The following F8 variants were observed in gnomAD, a reference collection of about 807,000 sequenced individuals.
The protein encoded by F8 is coagulation factor VIII.
F8 carries 12 observed loss-of-function variants against 140.6 expected under a neutral mutation model. That is an observed-to-expected ratio of 0.09 (90% confidence interval 0.05 to 0.14). F8 has a LOEUF of 0.14. F8 is among the 10% of genes least tolerant of loss of function. The probability of loss-of-function intolerance (pLI) is 1.00; values close to 1 mark genes in which losing one functional copy is unlikely to be tolerated. For synonymous variants in F8, 585 were observed against 614.6 expected (o/e 0.95, Z 0.71); for missense variants, 1,354 against 1,720.7 (o/e 0.79, Z 3.77).
chrX:154,987,489 A>G (rs1160045659), intron 4 of F8, among the ~76,000 whole-genome samples, 184 bp from the exon 5 acceptor site: 1 of 112,499 alleles, frequency 8.9e-6, no homozygotes, highest in Non-Finnish European at 1.9e-5. Context: ...TATCTGGAGC[A>G]AAGAATTTTT....
chrX:155,019,692 G>A (rs2073750678), intron 1 of F8, among the ~76,000 whole-genome samples: 1 of 110,504 alleles, frequency 9.0e-6, no homozygotes, highest in Non-Finnish European at 1.9e-5. Context: ...TACTTGGGGG[G>A]CTGATATACA....
At chrX:155,002,140 G>A (rs2073649602) in intron 1 of F8, among the ~76,000 whole-genome samples, 1 of 112,071 alleles carries the variant, frequency 8.9e-6, no homozygotes, top group South Asian at 3.7e-4. Flanking sequence ...TATACTCAAG[G>A]TTCATCTATG....
At chrX:154,849,501 T>C (rs1169976110) in intron 25 of F8, among the ~76,000 whole-genome samples, 1 of 105,487 alleles carries the variant, frequency 9.5e-6, no homozygotes, top group Non-Finnish European at 2.0e-5. Context: ...CTCACTATCT[T>C]GTCCAGGCTG....
chrX:154,965,866 A>T, intron 9 of F8, 104 bp downstream of exon 9: 1 of 762,905 alleles, frequency 1.3e-6, no homozygotes, highest in Non-Finnish European at 2.0e-6. Context: ...CTTTTAAAAG[A>T]TCATGTCCAT....
chrX:154,867,954 G>A lies in F8; in HGVS notation c.6430-4727C>T, dbSNP rs986494723. ...AAGATGAAAAACACATGATTATTTC[G>A]ATCAATACAGAAAAAGAATTTGACA... is the stretch of plus-strand genomic sequence containing the variant. On this transcript the variant is annotated intron_variant, in intron 22 of 25. Coordinates refer to ENST00000360256, the MANE Select transcript of F8 (RefSeq NM_000132.4). 9.0e-5 allele frequency among the ~76,000 whole-genome samples: 10 copies of A among 110,852 alleles called. No individual in the cohort carries two copies. The South Asian group carries it at 1.1e-3, about 13-fold the overall frequency.
At chrX:154,996,709 G>A (rs1201933680) in intron 3 of F8, among the ~76,000 whole-genome samples, 2 of 111,625 alleles carry the variant, frequency 1.8e-5, no homozygotes, top group Non-Finnish European at 3.8e-5. Context: ...ATTTTAGGAA[G>A]AAAAAATGAC....
At chrX:154,846,592 G>C (rs1292424634) in intron 25 of F8, among the ~76,000 whole-genome samples, 3 of 111,636 alleles carry the variant, frequency 2.7e-5, no homozygotes, top group Non-Finnish European at 5.6e-5. Flanking sequence ...TCAGAGACTA[G>C]GATTGCAACC....
intron 1 of F8, among the ~76,000 whole-genome samples, chrX:155,021,010 T>C (rs1276578383): frequency 8.9e-6 from 1 of 112,075 alleles, no homozygotes; most frequent in African/African-American, 3.2e-5. Context: ...CAGTATGTAA[T>C]GATATAGGAT....
At chrX:154,968,572 T>C (rs1300840802) in intron 7 of F8, among the ~76,000 whole-genome samples, 5 of 112,044 alleles carry the variant, frequency 4.5e-5, no homozygotes, top group South Asian at 3.7e-4. Flanking sequence ...GAAATGATGA[T>C]GCAATCTGAA....
intron 13 of F8, among the ~76,000 whole-genome samples, chrX:154,934,291 G>T (rs5987062): frequency 0.01 from 1,128 of 111,480 alleles, 15 homozygotes; most frequent in African/African-American, 0.035. Context: ...ATCTTATACC[G>T]CCATATCTTC....
chrX:154,866,352 A>G (rs991983799), intron 22 of F8, among the ~76,000 whole-genome samples: 10 of 112,015 alleles, frequency 8.9e-5, no homozygotes, highest in Non-Finnish European at 1.3e-4. Context: ...CAGAAAATCA[A>G]TAAGGACAAA....
chrX:154,991,025 G>C (rs2073584903), intron 4 of F8, among the ~76,000 whole-genome samples: 1 of 112,181 alleles, frequency 8.9e-6, no homozygotes, highest in Non-Finnish European at 1.9e-5. Flanking sequence ...CAGAGAGAAA[G>C]TAATGTGCTT....
chrX:154,984,430 T>C (rs2073546217), intron 6 of F8, among the ~76,000 whole-genome samples: 1 of 111,775 alleles, frequency 8.9e-6, no homozygotes, highest in African/African-American at 3.3e-5. Flanking sequence ...TGTCTGTTCA[T>C]CCTTGGTTGC....
chrX:154,902,041 T>A lies in F8; in HGVS notation c.6115+10A>T. 8.8e-7 allele frequency: 1 copy of A among 1,138,524 alleles called. No individual in the cohort carries two copies. The highest frequency in any genetic ancestry group is 1.2e-6 in the Non-Finnish European group (1 of 828,686). 93.8% of individuals were successfully genotyped at this position (1,138,524 alleles called of 1,213,427 possible). ...GTAGGTAGGGAACCTCTGCCCACATTGCTACTCACTATTGCTGTACACCAG... is the reference window on the plus strand; with the variant it reads ...GTAGGTAGGGAACCTCTGCCCACATAGCTACTCACTATTGCTGTACACCAG... On this transcript the variant is annotated intron_variant, in intron 19 of 25. Transcript: ENST00000360256.
chrX:154,896,374 C>A, intron 21 of F8, 142 bp from the exon 22 acceptor site: 1 of 613,125 alleles, frequency 1.6e-6, no homozygotes, highest in Non-Finnish European at 2.6e-6. Context: ...AAGCAGTCAC[C>A]AATGTTGAAA....
intron 1 of F8, among the ~76,000 whole-genome samples, chrX:155,007,336 G>A (rs1603437118): frequency 8.9e-6 from 1 of 112,836 alleles, no homozygotes; most frequent in East Asian, 2.8e-4. Flanking sequence ...CATGAGCTAA[G>A]TGGCTACAGC....
intron 12 of F8, among the ~76,000 whole-genome samples, chrX:154,952,240 C>A (rs2073340974): frequency 8.9e-6 from 1 of 112,083 alleles, no homozygotes; most frequent in Admixed American, 9.4e-5. Context: ...GACTCTTGCA[C>A]AAATGTGAAA....
rs2072476954 is a variant in F8, at chrX:154,836,558, C to A, written c.*1039G>T. On this transcript the variant is annotated 3_prime_UTR_variant, in exon 26 of 26. Coordinates refer to ENST00000360256, the MANE Select transcript of F8 (RefSeq NM_000132.4). ...TCACGGTATATAATTTCCCCTGTTA[C>A]ATTTTTGTTGTGTTATTTTCAGCAG... The A allele has an allele frequency of 9.0e-6, 1 of 111,697 alleles. No individual in the cohort carries two copies. The highest frequency in any genetic ancestry group is 9.5e-5 in the Admixed American group (1 of 10,485). The allele number at this position is 111,697 out of a possible 1,213,427, so 9.2% of individuals were successfully genotyped here.
At chrX:155,004,024 C>T (rs1464888270) in intron 1 of F8, among the ~76,000 whole-genome samples, 1 of 107,042 alleles carries the variant, frequency 9.3e-6, no homozygotes, top group Non-Finnish European at 1.9e-5. Flanking sequence ...AACCCTACAC[C>T]TAGGCATATT....
Sources: gnomAD v4.1 joint callset for allele counts (sites outside exome capture counted in the v4.1 genomes callset) on GRCh38, gnomAD v4.1.1 for gene constraint, MANE v1.5 for transcripts, NCBI Gene and HGNC (gene_info 2026-07-23, HGNC 2026-07-21) for gene names.